GBP1: variants seen among roughly 807,000 people sequenced by gnomAD.
GBP1 encodes the protein guanylate binding protein 1, also known as guanylate-binding protein 1.
Under a neutral mutation model 69.5 loss-of-function variants are expected in GBP1, and 64 were observed. The observed-to-expected ratio is 0.92, with a 90% CI of 0.75 to 1.13. The LOEUF (loss-of-function observed/expected upper bound fraction) is 1.13, where lower values mean the gene tolerates loss of function less well. Among genes scored for constraint, GBP1 ranks in the 50% most tolerant of loss-of-function variants. The probability of loss-of-function intolerance (pLI) is 0.00; values close to 1 mark genes in which losing one functional copy is unlikely to be tolerated. For synonymous variants in GBP1, 250 were observed against 261.2 expected, an observed-to-expected ratio of 0.96 and a Z score of 0.41; for missense variants, 630 against 704.1, an observed-to-expected ratio of 0.89 and a Z score of 1.19.
chr1:89,055,275 T>C, intron 8 of GBP1, 60 bp from the exon 9 acceptor site: 1 of 1,603,722 alleles, frequency 6.2e-7, no homozygotes. Context: ...GGTGTTCCTG[T>C]TTGTCTTCCT....
intron 10 of GBP1, 84 bp from the exon 11 acceptor site, chr1:89,053,552 T>C: frequency 6.5e-7 from 1 of 1,534,752 alleles, no homozygotes; most frequent in Non-Finnish European, 8.7e-7. Context: ...TTAAATGATT[T>C]GTTATTTAAT....
Position 89,054,808 on chromosome 1 carries a change from A to G in GBP1, c.1539T>C (p.Asn513=), listed in dbSNP as rs749179632. The change falls in exon 10 of 11, where the codon AAT becomes AAC. Residue 513 remains asparagine, a synonymous_variant. Transcript: ENST00000370473. ...TCTCCTTCTGTTCCATCATCTGCTC[A>G]TTCTTTCTTTGCATTTCCTGCAACA... ...AKMLQEMQRK[N]EQMMEQKERS... The G allele has an allele frequency of 6.2e-7, 1 of 1,614,076 alleles. No individual in the cohort carries two copies. The highest frequency in any genetic ancestry group is 8.5e-7 in the Non-Finnish European group (1 of 1,180,036).
Position 89,063,221 on chromosome 1 carries a change from A to G in GBP1, c.14T>C (p.Ile5Thr), listed in dbSNP as rs759857539. The G allele has an allele frequency of 6.2e-7, 1 of 1,613,976 alleles. No homozygotes were observed. Among genetic ancestry groups the G allele is most frequent in the South Asian group, 1.1e-5 (1 of 91,072 alleles). MASE[I>T]HMTGPMCLIE... ...GAGGCACATTGGGCCTGTCATGTGGATCTCTGATGCCATGTCCAGGCTGTT... is the reference window on the plus strand; with the variant it reads ...GAGGCACATTGGGCCTGTCATGTGGGTCTCTGATGCCATGTCCAGGCTGTT... Residue 5 changes from isoleucine to threonine, a missense_variant, in exon 2 of 11, where the codon ATC becomes ACC. By Grantham distance (89) the Ile-to-Thr change is moderately conservative. Coordinates refer to ENST00000370473, the MANE Select transcript of GBP1 (RefSeq NM_002053.3).
chr1:89,055,310 CT>C (rs1338354927), intron 8 of GBP1, 95 bp from the exon 9 acceptor site: 30 of 1,573,846 alleles, frequency 1.9e-5, no homozygotes, highest in Non-Finnish European at 2.5e-5. Flanking sequence ...TCTGGGAATT[CT>C]TTCTCTTGGC....
rs370516992 is a variant in GBP1, at chr1:89,057,949, C to G, written c.874+43G>C. 130 of 1,570,342 alleles carry G rather than the reference C, an allele frequency of 8.3e-5. 3 individuals are homozygous for G. The South Asian group carries it at 1.4e-3, about 16-fold the overall frequency. ...TAGGTGGAAGTTATTCTATGCTCCT[C>G]TAGTCTTAAACAATGAGCAGAAGTA... On this transcript the variant is annotated intron_variant, in intron 6 of 10. Transcript: ENST00000370473.
intron 1 of GBP1, among the ~76,000 whole-genome samples, chr1:89,063,604 G>C (rs539297909): frequency 6.6e-6 from 1 of 152,242 alleles, no homozygotes; most frequent in South Asian, 2.1e-4. Context: ...CTGTATGTAA[G>C]GAATTCAATA....
chr1:89,063,045 C>A lies in GBP1; in HGVS notation c.190G>T (p.Gly64Cys). The A allele has an allele frequency of 6.2e-7, 1 of 1,614,024 alleles. No individual in the cohort carries two copies. Among genetic ancestry groups the A allele is most frequent in the Non-Finnish European group, 8.5e-7 (1 of 1,179,922 alleles). The change falls in exon 2 of 11, where the codon GGC becomes TGC. Residue 64 changes from glycine (G) to cysteine (C), a missense_variant and splice_region_variant. By Grantham distance (159) the Gly-to-Cys change is radical. Around this residue, in one of 5 missense-constraint regions of GBP1, gnomAD observed 131 missense variants for 138.5 expected, o/e 0.95. Transcript: ENST00000370473. Reference protein sequence around the residue: ...LMNKLAGKKKGFSLGSTVQSH... With the variant: ...LMNKLAGKKKCFSLGSTVQSH... The stretch of plus-strand genomic sequence containing the variant: ...GCAGAGCTTTGCTCATGCCACTCAC[C>A]CTTTTTCTTTCCAGCCAGCTTGTTC...
intron 10 of GBP1, 99 bp downstream of exon 10, chr1:89,054,583 C>T (rs1298050159): frequency 1.8e-6 from 2 of 1,101,302 alleles, no homozygotes; most frequent in African/African-American, 1.6e-5. Flanking sequence ...AGGGTCCTTA[C>T]CCTGGGCTTC....
In GBP1 at chr1:89,056,129, C is replaced by G; in HGVS notation, c.1255G>C (p.Glu419Gln). 1 of 1,613,960 alleles carries G rather than the reference C, an allele frequency of 6.2e-7. No homozygotes were observed. The highest frequency in any genetic ancestry group is 8.5e-7 in the Non-Finnish European group (1 of 1,179,854). Residue 419 changes from glutamate (E) to glutamine (Q), a missense_variant, in exon 8 of 11, where the codon GAA becomes CAA. Coordinates refer to ENST00000370473, the MANE Select transcript of GBP1 (RefSeq NM_002053.3). ...TAAATTCCCGCCTTCACTTCTTCTT[C>G]TAGAGGACTGAAAATGACCTGAAGT... Reference protein sequence around the residue: ...ALLQVIFSPLEEEVKAGIYSK... With the variant: ...ALLQVIFSPLQEEVKAGIYSK...
Position 89,052,503 on chromosome 1 carries a change from G to T in GBP1, c.*852C>A, listed in dbSNP as rs1237807973. On this transcript the variant is annotated 3_prime_UTR_variant, in exon 11 of 11. Transcript: ENST00000370473. The stretch of plus-strand genomic sequence containing the variant: ...AAACTCAGAAAGTTTTCAAGTATGA[G>T]TGTTAAGAGTTAGAAAAGACTATCA... 6.6e-6 allele frequency: 1 copy of T among 152,160 alleles called. No homozygotes were observed. The highest frequency in any genetic ancestry group is 1.9e-4 in the East Asian group (1 of 5,200). 9.4% of individuals were successfully genotyped at this position (152,160 alleles called of 1,614,324 possible).
At chr1:89,054,587 G>A in intron 10 of GBP1, 95 bp downstream of exon 10, 2 of 1,128,696 alleles carry the variant, frequency 1.8e-6, no homozygotes, top group Non-Finnish European at 2.6e-6. Flanking sequence ...TCCTTACCCT[G>A]GGCTTCATGT....
At position 89,058,170 on chromosome 1, in the gene GBP1, C is replaced by T. The variant is rs779156419; in HGVS notation, c.696G>A (p.Lys232=). ...GCCGATCAAAGACAAAGCATTTTTT[C>T]TTTGGGAAGAATTTCCGGATACAGA... ...PRLCIRKFFP[K]KKCFVFDRPV... is the part of the protein sequence containing the mutation. Residue 232 remains lysine, a synonymous_variant, in exon 6 of 11, where the codon AAG becomes AAA. Coordinates refer to ENST00000370473, the MANE Select transcript of GBP1 (RefSeq NM_002053.3). 43 of 1,613,780 alleles carry T rather than the reference C, an allele frequency of 2.7e-5. No homozygotes were observed. The highest frequency in any genetic ancestry group is 3.1e-5 in the Non-Finnish European group (36 of 1,179,870).
rs1406223304 is a variant in GBP1, at chr1:89,053,321, G to A, written c.*34C>T. ...CAAATTCTAAAATTGTTTCAATTAT[G>A]CCTTGGTTAGGGGTGACAGGAAGGC... On this transcript the variant is annotated 3_prime_UTR_variant, in exon 11 of 11. Transcript: ENST00000370473. 1 of 1,521,502 alleles carries A rather than the reference G, an allele frequency of 6.6e-7. No individual in the cohort carries two copies. Among genetic ancestry groups the A allele is most frequent in the African/African-American group, 1.4e-5 (1 of 71,804 alleles). The allele number at this position is 1,521,502 out of a possible 1,614,324, so 94.3% of individuals were successfully genotyped here.
intron 6 of GBP1, 130 bp downstream of exon 6, chr1:89,057,862 T>C: frequency 9.6e-7 from 1 of 1,043,074 alleles, no homozygotes; most frequent in South Asian, 1.7e-5. Flanking sequence ...GTTAGAAACA[T>C]TGGTGCCATC....
Position 89,058,015 on chromosome 1 carries a change from C to T in GBP1, c.851G>A (p.Gly284Glu). The T allele has an allele frequency of 6.2e-7, 1 of 1,613,206 alleles. No homozygotes were observed. The highest frequency in any genetic ancestry group is 1.1e-5 in the South Asian group (1 of 91,030). ...FSNSKTKTLS[G>E]GIQVNGPRLE... is the part of the protein sequence containing the mutation. ...ACGAGGCCCGTTGACCTGGATGCCT[C>T]CTGAAAGAGTTTTAGTTTTGGAATT... The change falls in exon 6 of 11, where the codon GGA becomes GAA. Residue 284 changes from glycine (G) to glutamate (E), a missense_variant. This residue lies in a region of GBP1 where 367 missense variants were observed against 369.5 expected (regional missense o/e 0.99). Coordinates refer to ENST00000370473, the MANE Select transcript of GBP1 (RefSeq NM_002053.3).
At position 89,057,242 on chromosome 1, in the gene GBP1, C is replaced by T. The variant is rs903712713; in HGVS notation, c.875-108G>A. ...CCTATTTTCCTCACAGCATCAATGT[C>T]CTCAGCATCACTTGGAAGCTTGCTG... On this transcript the variant is annotated intron_variant, in intron 6 of 10. Transcript: ENST00000370473. 4.9e-6 allele frequency: 7 copies of T among 1,441,628 alleles called. No individual in the cohort carries two copies. In the Admixed American group the frequency reaches 6.1e-5, roughly 13 times the overall value. 89.3% of individuals were successfully genotyped at this position (1,441,628 alleles called of 1,614,324 possible). A position where few individuals can be genotyped will look rare whatever the true frequency, so the allele number is the denominator to read the frequency against.
At chr1:89,056,828 C>T (rs371567910) in intron 7 of GBP1, 26 bp downstream of exon 7, 4 of 1,610,048 alleles carry the variant, frequency 2.5e-6, no homozygotes, top group Admixed American at 3.3e-5. Flanking sequence ...TGACCCTAAA[C>T]CGTATACATT....
Position 89,055,173 on chromosome 1 carries a change from T to C in GBP1, c.1411A>G (p.Met471Val), listed in dbSNP as rs1178498449. ...TCTGTCTGGAGAATTGCATCAGTCA[T>C]AGACTCCTTGGATTTCAAGTATGTC... ...LQTYLKSKES[M>V]TDAILQTDQT... The change falls in exon 9 of 11, where the codon ATG becomes GTG. Residue 471 changes from methionine to valine, a missense_variant. By Grantham distance (21) the Met-to-Val change is conservative. Transcript: ENST00000370473. 3 of 1,611,952 alleles carry C rather than the reference T, an allele frequency of 1.9e-6. No homozygotes were observed. The highest frequency in any genetic ancestry group is 2.5e-6 in the Non-Finnish European group (3 of 1,179,466).
Position 89,058,007 on chromosome 1 carries a change from G to T in GBP1, c.859C>A (p.Gln287Lys), listed in dbSNP as rs3188425. ...GGGGACTTACGAGGCCCGTTGACCT[G>T]GATGCCTCCTGAAAGAGTTTTAGTT... ...SKTKTLSGGI[Q>K]VNGPRLESLV... Residue 287 changes from glutamine (Q) to lysine (K), a missense_variant, in exon 6 of 11, where the codon CAG becomes AAG. By Grantham distance (53) the Gln-to-Lys change is moderately conservative. Coordinates refer to ENST00000370473, the MANE Select transcript of GBP1 (RefSeq NM_002053.3). 6 of 1,612,446 alleles carry T rather than the reference G, an allele frequency of 3.7e-6. No individual in the cohort carries two copies. Among genetic ancestry groups the T allele is most frequent in the Non-Finnish European group, 5.1e-6 (6 of 1,179,490 alleles).
Sources: gnomAD v4.1 joint callset for allele counts (sites outside exome capture counted in the v4.1 genomes callset) on GRCh38, gnomAD v4.1.1 for gene constraint, gnomAD v4.1.1 regional missense constraint, MANE v1.5 for transcripts, NCBI Gene and HGNC (gene_info 2026-07-23, HGNC 2026-07-21) for gene names.